The following SLC13A1 variants were observed in gnomAD, a reference collection of about 807,000 sequenced individuals.
SLC13A1 encodes solute carrier family 13 member 1, also known as Na(+)/sulfate cotransporter.
A neutral mutation model predicts 70.0 loss-of-function variants in SLC13A1; 65 were observed. The ratio of observed to expected loss-of-function variants is 0.93; its 90% CI spans 0.76 to 1.14. The LOEUF is 1.14. Among genes scored for constraint, SLC13A1 ranks in the 50% most tolerant of loss-of-function variants. SLC13A1 has a pLI of 0.00. For synonymous variants in SLC13A1, 275 were observed against 250.5 expected (o/e 1.10, Z -0.92); for missense variants, 726 against 717.8 (o/e 1.01, Z -0.13).
chr7:123,193,750 T>C (rs1171013115), intron 1 of SLC13A1, among the ~76,000 whole-genome samples: 1 of 152,166 alleles, frequency 6.6e-6, no homozygotes, highest in East Asian at 1.9e-4. Context: ...TGATATTGAC[T>C]ATTTCTAATT....
rs190865053 is a variant in SLC13A1, at chr7:123,114,737, A to G, written c.*781T>C. The stretch of plus-strand genomic sequence containing the variant: ...TAGTGTTCAGCTTTCCTTTCTAACT[A>G]TACTGTACTAATAGTGCAAATCATA... On this transcript the variant is annotated 3_prime_UTR_variant, in exon 15 of 15. Coordinates refer to ENST00000194130, the MANE Select transcript of SLC13A1 (RefSeq NM_022444.4). 6.6e-6 allele frequency: 1 copy of G among 152,306 alleles called. No homozygotes were observed. The highest frequency in any genetic ancestry group is 2.4e-5 in the African/African-American group (1 of 41,578). 9.4% of individuals were successfully genotyped at this position (152,306 alleles called of 1,614,324 possible).
intron 7 of SLC13A1, among the ~76,000 whole-genome samples, chr7:123,138,218 C>T (rs1386455423): frequency 6.6e-6 from 1 of 152,182 alleles, no homozygotes; most frequent in Non-Finnish European, 1.5e-5. Flanking sequence ...CTTCCACTTC[C>T]ATTTATGTTG....
chr7:123,165,988 T>A (rs1472645833), intron 6 of SLC13A1, among the ~76,000 whole-genome samples: 4 of 152,138 alleles, frequency 2.6e-5, no homozygotes, highest in South Asian at 2.1e-4. Context: ...TTCGCACTCT[T>A]CTGCTTGCAC....
At chr7:123,158,315 CAAAT>C in intron 6 of SLC13A1, among the ~76,000 whole-genome samples, 1 of 151,712 alleles carries the variant, frequency 6.6e-6, no homozygotes, top group South Asian at 2.1e-4. Context: ...AATCTTAAGA[CAAAT>C]AGAGTTTACA....
intron 6 of SLC13A1, among the ~76,000 whole-genome samples, chr7:123,154,578 C>G (rs1794655328): frequency 6.6e-6 from 1 of 152,108 alleles, no homozygotes; most frequent in African/African-American, 2.4e-5. Context: ...AATATGTTGC[C>G]TAGAGCTCTA....
chr7:123,172,159 T>C (rs1303290315), intron 2 of SLC13A1, among the ~76,000 whole-genome samples: 1 of 152,138 alleles, frequency 6.6e-6, no homozygotes, highest in East Asian at 1.9e-4. Flanking sequence ...ATCAGGTAAG[T>C]GCTTTTCTAT....
intron 1 of SLC13A1, among the ~76,000 whole-genome samples, chr7:123,182,882 T>C (rs1241610532): frequency 6.6e-6 from 1 of 152,146 alleles, no homozygotes; most frequent in Non-Finnish European, 1.5e-5. Context: ...TTTAGTTGTT[T>C]ATTGAAAATA....
intron 6 of SLC13A1, among the ~76,000 whole-genome samples, chr7:123,167,054 G>T (rs1376248656): frequency 3.3e-5 from 5 of 152,166 alleles, no homozygotes; most frequent in African/African-American, 1.2e-4. Context: ...ACAGGTGCTG[G>T]AGAGGATGTG....
At chr7:123,162,659 G>A (rs1585356502) in intron 6 of SLC13A1, among the ~76,000 whole-genome samples, 1 of 151,968 alleles carries the variant, frequency 6.6e-6, no homozygotes, top group Non-Finnish European at 1.5e-5. Flanking sequence ...ATCTGATCTA[G>A]GAGCCAGATA....
intron 7 of SLC13A1, among the ~76,000 whole-genome samples, chr7:123,145,671 C>CA (rs1794326912): frequency 6.6e-6 from 1 of 151,598 alleles, no homozygotes; most frequent in South Asian, 2.1e-4. Flanking sequence ...ATTTATAAAC[C>CA]AAAAACCTTT....
intron 7 of SLC13A1, among the ~76,000 whole-genome samples, chr7:123,143,078 G>A (rs1794215163): frequency 6.6e-6 from 1 of 152,114 alleles, no homozygotes; most frequent in South Asian, 2.1e-4. Flanking sequence ...GGCTGAGCTG[G>A]TATCCAAGAT....
intron 6 of SLC13A1, among the ~76,000 whole-genome samples, chr7:123,160,226 G>A (rs933111778): frequency 1.4e-4 from 21 of 149,506 alleles, no homozygotes; most frequent in Admixed American, 2.7e-4. Flanking sequence ...AGCTGAGATC[G>A]TGTCACTGCA....
intron 8 of SLC13A1, among the ~76,000 whole-genome samples, chr7:123,132,185 C>G: frequency 6.6e-6 from 1 of 152,074 alleles, no homozygotes; most frequent in South Asian, 2.1e-4. Flanking sequence ...ACATGCTGCT[C>G]CCACAATCTG....
intron 6 of SLC13A1, among the ~76,000 whole-genome samples, chr7:123,163,786 T>C (rs560949043): frequency 6.4e-4 from 98 of 152,222 alleles, no homozygotes; most frequent in African/African-American, 2.3e-3. Context: ...TTGTCCATAG[T>C]GACTTCTCTG....
At chr7:123,130,240 T>C (rs1793709363) in intron 8 of SLC13A1, among the ~76,000 whole-genome samples, 1 of 152,246 alleles carries the variant, frequency 6.6e-6, no homozygotes, top group Non-Finnish European at 1.5e-5. Flanking sequence ...ATATAAATCA[T>C]TCTGTTTTAA....
intron 2 of SLC13A1, among the ~76,000 whole-genome samples, chr7:123,179,180 A>G (rs1044285318): frequency 5.3e-5 from 8 of 152,118 alleles, no homozygotes; most frequent in Non-Finnish European, 1.2e-4. Flanking sequence ...ATTTTCATGA[A>G]AAAAACTAAG....
intron 2 of SLC13A1, among the ~76,000 whole-genome samples, chr7:123,173,859 A>G (rs1263117841): frequency 6.6e-6 from 1 of 151,402 alleles, no homozygotes; most frequent in African/African-American, 2.4e-5. Context: ...TTATATCCCA[A>G]TTTTCTACAC....
chr7:123,119,264 T>C (rs1228284335), intron 12 of SLC13A1, 22 bp from the exon 13 acceptor site: 2 of 1,519,358 alleles, frequency 1.3e-6, no homozygotes, highest in Non-Finnish European at 1.8e-6. Context: ...ATTTGCAATA[T>C]TTGTTACTCA....
chr7:123,174,453 CT>C (rs780362511), intron 2 of SLC13A1, among the ~76,000 whole-genome samples: 1 of 152,084 alleles, frequency 6.6e-6, no homozygotes, highest in Non-Finnish European at 1.5e-5. Context: ...GCCATGATTC[CT>C]TTTTCACTTC....
Sources: allele counts gnomAD v4.1 joint callset (sites outside exome capture counted in the v4.1 genomes callset), GRCh38; gene constraint gnomAD v4.1.1; transcripts MANE v1.5; gene names NCBI Gene and HGNC (gene_info 2026-07-23, HGNC 2026-07-21).